Variants in TRPM4 observed in about 807,000 individuals in gnomAD.
The protein encoded by TRPM4 is calcium-activated non-selective cation channel 1.
A neutral mutation model predicts 135.6 loss-of-function variants in TRPM4; 124 were observed. The observed-to-expected ratio is 0.91, with a 90% CI of 0.79 to 1.06. TRPM4 has a LOEUF of 1.06. Ranked by LOEUF, TRPM4 falls within the 50% of genes least tolerant of loss-of-function variation. The probability of loss-of-function intolerance (pLI) is 0.00; values close to 1 mark genes in which losing one functional copy is unlikely to be tolerated. For missense variants in TRPM4, 1,658 were observed against 1,671.4 expected (o/e 0.99, Z 0.14); for synonymous variants, 745 against 705.6 (o/e 1.06, Z -0.88).
intron 16 of TRPM4, among the ~76,000 whole-genome samples, chr19:49,194,182 G>A (rs1226518327): frequency 8.0e-6 from 1 of 125,494 alleles, no homozygotes; most frequent in Non-Finnish European, 1.7e-5. Flanking sequence ...CTGCTTCTCC[G>A]CCTTCTCCTC....
At chr19:49,189,123 G>C (rs545077030) in intron 14 of TRPM4, 32 bp downstream of exon 14, 2 of 1,613,684 alleles carry the variant, frequency 1.2e-6, no homozygotes, top group African/African-American at 2.7e-5. Context: ...ATCCCAAACA[G>C]TCTCCAAGTG....
Position 49,210,883 on chromosome 19 carries a change from G to T in TRPM4, c.3461+41G>T, listed in dbSNP as rs573595501. ...GGTCGGGGATGGGGCTTCTGGCCTG[G>T]GGCGGATCCTGACTTCAGCTGAAGG... On this transcript the variant is annotated intron_variant, in intron 22 of 24. Coordinates refer to ENST00000252826, the MANE Select transcript of TRPM4 (RefSeq NM_017636.4). This position sits in a 1 kb window ranked among gnomAD's most constrained non-coding sequence, Gnocchi z 4.1. 15 of 1,595,482 alleles carry T rather than the reference G, an allele frequency of 9.4e-6. 1 individual carries two copies. In the Middle Eastern group the frequency reaches 8.4e-4, roughly 90 times the overall value.
At chr19:49,169,576 C>T (rs886931170) in intron 6 of TRPM4, among the ~76,000 whole-genome samples, 3 of 151,144 alleles carry the variant, frequency 2.0e-5, no homozygotes, top group Admixed American at 6.6e-5. Flanking sequence ...CCACCGCGCC[C>T]GGCCTAATGT....
intron 20 of TRPM4, among the ~76,000 whole-genome samples, chr19:49,206,961 T>G (rs1969176214): frequency 6.6e-6 from 1 of 152,204 alleles, no homozygotes; most frequent in Admixed American, 6.5e-5. Flanking sequence ...GATTGTTCAT[T>G]GCGGGTGTGT....
Position 49,167,994 on chromosome 19 carries a change from G to A in TRPM4, c.345G>A (p.Pro115=), listed in dbSNP as rs750991001. 51 of 1,613,912 alleles carry A rather than the reference G, an allele frequency of 3.2e-5. No individual in the cohort carries two copies. Among genetic ancestry groups the A allele is most frequent in the East Asian group, 4.5e-5 (2 of 44,882 alleles). ...CACGCACATGGGGCTTCCGTGCCCCGAACCTGGTGGTGTCAGTGCTGGGGG... is the reference window on the plus strand; with the variant it reads ...CACGCACATGGGGCTTCCGTGCCCCAAACCTGGTGGTGTCAGTGCTGGGGG... ...LVTRTWGFRA[P]NLVVSVLGGS... Residue 115 remains proline, a synonymous_variant, in exon 4 of 25, where the codon CCG becomes CCA. Transcript: ENST00000252826.
At position 49,210,552 on chromosome 19, in the gene TRPM4, C is replaced by G. The variant is rs1969316674; in HGVS notation, c.3328+147C>G. ...TAAGCAACAAGGGGCGGAGCTTAAG[C>G]ACTGAGGGGCAGTGCTTACGGGTGA... On this transcript the variant is annotated intron_variant, in intron 21 of 24. Transcript: ENST00000252826. This position sits in a 1 kb window ranked among gnomAD's most constrained non-coding sequence, Gnocchi z 4.1. The G allele has an allele frequency of 7.1e-6, 10 of 1,411,444 alleles. No individual in the cohort carries two copies. Among genetic ancestry groups the G allele is most frequent in the Non-Finnish European group, 9.8e-6 (10 of 1,018,336 alleles). 87.4% of individuals were successfully genotyped at this position (1,411,444 alleles called of 1,614,324 possible). A position where few individuals can be genotyped will look rare whatever the true frequency, so the allele number is the denominator to read the frequency against.
At position 49,211,793 on chromosome 19, in the gene TRPM4, TCA is replaced by T; in HGVS notation, c.*298_*299del. The T allele has an allele frequency of 3.7e-6, 2 of 536,916 alleles. No individual in the cohort carries two copies. The highest frequency in any genetic ancestry group is 2.3e-5 in the South Asian group (1 of 43,616). 33.3% of individuals were successfully genotyped at this position (536,916 alleles called of 1,614,324 possible). A position where few individuals can be genotyped will look rare whatever the true frequency, so the allele number is the denominator to read the frequency against. ...ACAGGGACCACAGACCCCTCACCACTCACAGATTCCTCACACTGGGGAAATAA... is the reference window on the plus strand; with the variant it reads ...ACAGGGACCACAGACCCCTCACCACTCAGATTCCTCACACTGGGGAAATAA... On this transcript the variant is annotated 3_prime_UTR_variant, in exon 25 of 25. Transcript: ENST00000252826. The surrounding 1 kb of genome is among the most constrained non-coding windows in gnomAD (Gnocchi z 4.8).
At chr19:49,164,829 C>G (rs1218274862) in intron 2 of TRPM4, among the ~76,000 whole-genome samples, 2 of 152,046 alleles carry the variant, frequency 1.3e-5, no homozygotes, top group African/African-American at 4.8e-5. Flanking sequence ...GCCTTGATCT[C>G]CCAGGCTGAA....
intron 9 of TRPM4, among the ~76,000 whole-genome samples, chr19:49,173,371 C>T (rs1967547948): frequency 6.6e-6 from 1 of 152,184 alleles, no homozygotes; most frequent in Admixed American, 6.5e-5. Context: ...CAATTCCATT[C>T]ACTCATTCCT....
chr19:49,210,688 T>G lies in TRPM4; in HGVS notation c.3329-22T>G, dbSNP rs764485956. 6.2e-7 allele frequency: 1 copy of G among 1,613,680 alleles called. No homozygotes were observed. Among genetic ancestry groups the G allele is most frequent in the Non-Finnish European group, 8.5e-7 (1 of 1,179,976 alleles). On this transcript the variant is annotated intron_variant, in intron 21 of 24. Transcript: ENST00000252826. The surrounding 1 kb of genome is among the most constrained non-coding windows in gnomAD (Gnocchi z 4.1). Reference sequence around the variant, plus strand: ...TGGGAAGGGGCGTGGCCTGAGCCCTTTGACTCCGCCCGCCCCTGCAGGGGT... The same window carrying G: ...TGGGAAGGGGCGTGGCCTGAGCCCTGTGACTCCGCCCGCCCCTGCAGGGGT...
Position 49,199,295 on chromosome 19 carries a change from G to A in TRPM4, c.2646-1005G>A, listed in dbSNP as rs978659227. Among the ~76,000 whole-genome samples, 3 of 151,562 alleles carry A rather than the reference G, an allele frequency of 2.0e-5. No homozygotes were observed. The East Asian group carries it at 5.8e-4, about 29-fold the overall frequency. On this transcript the variant is annotated intron_variant, in intron 17 of 24. Coordinates refer to ENST00000252826, the MANE Select transcript of TRPM4 (RefSeq NM_017636.4). ...TGTTTTTGAGACGGAGTCTCGCTCTGTAGCCCAGGCTGGAGTGCAGTGGCG... is the reference window on the plus strand; with the variant it reads ...TGTTTTTGAGACGGAGTCTCGCTCTATAGCCCAGGCTGGAGTGCAGTGGCG...
At chr19:49,176,288 G>C (rs1600436545) in intron 9 of TRPM4, among the ~76,000 whole-genome samples, 1 of 152,222 alleles carries the variant, frequency 6.6e-6, no homozygotes, top group East Asian at 1.9e-4. Context: ...AGTGCAGTGG[G>C]ACAATCATAG....
intron 2 of TRPM4, among the ~76,000 whole-genome samples, chr19:49,165,642 G>A (rs995595167): frequency 6.6e-6 from 1 of 152,146 alleles, no homozygotes; most frequent in Non-Finnish European, 1.5e-5. Context: ...ACACAGCCGC[G>A]TCAGCCCCGA....
In TRPM4 at chr19:49,211,113, G is replaced by A. The variant is rs893486495; in HGVS notation, c.3534+26G>A. Reference sequence around the variant, plus strand: ...GTGAGGCCTTGGGGCCTGGCTGGGGGACTGTGGCAGGGGTCCCATCTCCCG... The same window carrying A: ...GTGAGGCCTTGGGGCCTGGCTGGGGAACTGTGGCAGGGGTCCCATCTCCCG... On this transcript the variant is annotated intron_variant, in intron 23 of 24. Transcript: ENST00000252826. The surrounding 1 kb of genome is among the most constrained non-coding windows in gnomAD (Gnocchi z 4.8). 1 of 1,613,110 alleles carries A rather than the reference G, an allele frequency of 6.2e-7. No individual in the cohort carries two copies. Among genetic ancestry groups the A allele is most frequent in the Non-Finnish European group, 8.5e-7 (1 of 1,179,622 alleles).
rs762615860 is a variant in TRPM4 at position 49,211,065 on chromosome 19, G to A, written c.3512G>A (p.Arg1171His). The part of the protein sequence containing the change: ...QLGHIREYEQ[R>H]LKVLEREVQQ... ...GGACACATCCGCGAGTACGAACAGC[G>A]CCTGAAAGTGCTGGAGCGGGAGGTG... The change falls in exon 23 of 25, where the codon CGC becomes CAC. Residue 1171 changes from arginine to histidine, a missense_variant. Arg to His is a conservative substitution (Grantham distance 29). Coordinates refer to ENST00000252826, the MANE Select transcript of TRPM4 (RefSeq NM_017636.4). The surrounding 1 kb of genome is among the most constrained non-coding windows in gnomAD (Gnocchi z 4.8). 68 of 1,613,980 alleles carry A rather than the reference G, an allele frequency of 4.2e-5. No individual in the cohort carries two copies. Among genetic ancestry groups the A allele is most frequent in the Non-Finnish European group, 5.5e-5 (65 of 1,180,004 alleles).
rs1363268096 is a variant in TRPM4 at position 49,174,761 on chromosome 19, A to C, written c.1150+2653A>C. Among the ~76,000 whole-genome samples, 15 of 147,592 alleles carry C rather than the reference A, an allele frequency of 1.0e-4. No homozygotes were observed. The East Asian group carries it at 2.4e-3, about 24-fold the overall frequency. ...TCTGTCTCAAAAAAAAAAAAAAAAAACCTAAATAAATAAACCAAATAAACT... is the reference window on the plus strand; with the variant it reads ...TCTGTCTCAAAAAAAAAAAAAAAAACCCTAAATAAATAAACCAAATAAACT... On this transcript the variant is annotated intron_variant, in intron 9 of 24. Transcript: ENST00000252826.
At chr19:49,194,566 C>T (rs1600493570) in intron 16 of TRPM4, among the ~76,000 whole-genome samples, 1 of 150,818 alleles carries the variant, frequency 6.6e-6, no homozygotes, top group East Asian at 2.0e-4. Flanking sequence ...CTTCCTTCCT[C>T]CTTCCTTCCT....
Position 49,171,339 on chromosome 19 carries a change from C to A in TRPM4, c.797-18C>A. 1 of 1,614,160 alleles carries A rather than the reference C, an allele frequency of 6.2e-7. No individual in the cohort carries two copies. Among genetic ancestry groups the A allele is most frequent in the Non-Finnish European group, 8.5e-7 (1 of 1,180,028 alleles). ...GGCTGATGGGAGGTAATCAAGCCCCCTTCTCTTCTTGCCTCAGGGACTGGA... is the reference window on the plus strand; with the variant it reads ...GGCTGATGGGAGGTAATCAAGCCCCATTCTCTTCTTGCCTCAGGGACTGGA... On this transcript the variant is annotated intron_variant, in intron 6 of 24. Transcript: ENST00000252826. This position sits in a 1 kb window ranked among gnomAD's most constrained non-coding sequence, Gnocchi z 4.7.
At chr19:49,198,722 C>T (rs1968795391) in intron 17 of TRPM4, among the ~76,000 whole-genome samples, 2 of 149,280 alleles carry the variant, frequency 1.3e-5, no homozygotes, top group Non-Finnish European at 1.5e-5. Flanking sequence ...TCCTTTGTTT[C>T]GCCAGTTCCC....
Sources: gnomAD v4.1 joint callset for allele counts (sites outside exome capture counted in the v4.1 genomes callset) on GRCh38, gnomAD v4.1.1 for gene constraint, Gnocchi (gnomAD v3.1) non-coding constraint, MANE v1.5 for transcripts, NCBI Gene and HGNC (gene_info 2026-07-23, HGNC 2026-07-21) for gene names.